UNC5D: variants seen among roughly 807,000 people sequenced by gnomAD.
UNC5D encodes the protein unc-5 netrin receptor D, also known as netrin receptor UNC5D.
In UNC5D, 39 loss-of-function variants were observed where a neutral mutation model predicts 105.4. The ratio of observed to expected loss-of-function variants is 0.37; its 90% confidence interval spans 0.29 to 0.48. The LOEUF (loss-of-function observed/expected upper bound fraction) is 0.48. UNC5D is among the 20% of genes least tolerant of loss of function. The probability of loss-of-function intolerance (pLI) is 0.98; values close to 1 mark genes in which losing one functional copy is unlikely to be tolerated. For missense variants in UNC5D, 991 were observed against 1,202.4 expected (o/e 0.82, Z 2.60); for synonymous variants, 452 against 450.4 (o/e 1.00, Z -0.04).
At chr8:35,718,255 C>A (rs1274804850) in intron 8 of UNC5D, among the ~76,000 whole-genome samples, 2 of 152,114 alleles carry the variant, frequency 1.3e-5, no homozygotes, top group Non-Finnish European at 2.9e-5. Flanking sequence ...ATATGTAAAG[C>A]TTCGTTTATG....
chr8:35,572,448 T>C (rs1817806718), intron 3 of UNC5D, among the ~76,000 whole-genome samples: 1 of 152,072 alleles, frequency 6.6e-6, no homozygotes, highest in Admixed American at 6.6e-5. Context: ...AGGAAGCTCA[T>C]TGGAATAATA....
chr8:35,250,942 A>G (rs1173333177), intron 1 of UNC5D, among the ~76,000 whole-genome samples: 1 of 152,100 alleles, frequency 6.6e-6, no homozygotes, highest in Non-Finnish European at 1.5e-5. Flanking sequence ...TTTCTGAATT[A>G]ATTTCCTTAG....
intron 1 of UNC5D, among the ~76,000 whole-genome samples, chr8:35,414,000 TGACTG>T (rs1308420557): frequency 6.6e-6 from 1 of 152,170 alleles, no homozygotes; most frequent in Non-Finnish European, 1.5e-5. Flanking sequence ...CTCAGATTCT[TGACTG>T]GAATGGGACC....
intron 7 of UNC5D, among the ~76,000 whole-genome samples, chr8:35,687,207 G>T (rs1219949714): frequency 6.6e-6 from 1 of 152,156 alleles, no homozygotes; most frequent in Non-Finnish European, 1.5e-5. Flanking sequence ...ACTTTGGGAG[G>T]CCAAGGCAGG....
chr8:35,235,944 C>T (rs968568821), intron 1 of UNC5D, 57 bp downstream of exon 1: 1 of 1,210,410 alleles, frequency 8.3e-7, no homozygotes, highest in Non-Finnish European at 1.0e-6. Flanking sequence ...GCCAGCCTGA[C>T]GGAGCGGGAC....
intron 1 of UNC5D, among the ~76,000 whole-genome samples, chr8:35,343,748 C>G (rs750146028): frequency 6.6e-6 from 1 of 152,136 alleles, no homozygotes; most frequent in Non-Finnish European, 1.5e-5. Context: ...TTGTGGTATC[C>G]TCTCTTCTAT....
chr8:35,783,534 G>A (rs1030230265), intron 16 of UNC5D, among the ~76,000 whole-genome samples: 5 of 152,118 alleles, frequency 3.3e-5, no homozygotes, highest in South Asian at 4.1e-4. Flanking sequence ...TGAGCTGGGC[G>A]GACTCCAGCT....
intron 1 of UNC5D, among the ~76,000 whole-genome samples, chr8:35,517,861 C>T (rs566724394): frequency 6.6e-6 from 1 of 152,186 alleles, no homozygotes; most frequent in Non-Finnish European, 1.5e-5. Flanking sequence ...TGGTGCAGGA[C>T]CACTTCCTCA....
chr8:35,540,183 G>A (rs965462738), intron 1 of UNC5D, among the ~76,000 whole-genome samples: 4 of 152,132 alleles, frequency 2.6e-5, no homozygotes, highest in Non-Finnish European at 5.9e-5. Context: ...ATACACAAAT[G>A]TATCCATTGT....
At chr8:35,603,931 G>A (rs1586228426) in intron 4 of UNC5D, among the ~76,000 whole-genome samples, 3 of 152,186 alleles carry the variant, frequency 2.0e-5, no homozygotes, top group Admixed American at 6.5e-5. Context: ...TTGAGCCTAT[G>A]TGTGTCTCTG....
intron 6 of UNC5D, among the ~76,000 whole-genome samples, chr8:35,685,400 T>G (rs1040701049): frequency 6.6e-6 from 1 of 152,190 alleles, no homozygotes; most frequent in African/African-American, 2.4e-5. Context: ...GGAAGATGAC[T>G]TTCTTCATGA....
At chr8:35,656,978 A>G (rs1020717227) in intron 4 of UNC5D, among the ~76,000 whole-genome samples, 1 of 150,176 alleles carries the variant, frequency 6.7e-6, no homozygotes, top group Admixed American at 6.7e-5. Context: ...GCACTTTACC[A>G]TAATAAATTG....
chr8:35,691,949 G>T (rs1826428997), intron 7 of UNC5D, among the ~76,000 whole-genome samples: 1 of 152,168 alleles, frequency 6.6e-6, no homozygotes. Flanking sequence ...TGCTTCAGAA[G>T]GGATTAGCAC....
intron 1 of UNC5D, among the ~76,000 whole-genome samples, chr8:35,431,805 T>G (rs553424337): frequency 6.6e-6 from 1 of 152,248 alleles, no homozygotes; most frequent in East Asian, 1.9e-4. Context: ...TGTGTTTGCT[T>G]TCCAAACCTA....
At chr8:35,344,147 G>A (rs1811643579) in intron 1 of UNC5D, among the ~76,000 whole-genome samples, 1 of 152,064 alleles carries the variant, frequency 6.6e-6, no homozygotes, top group Non-Finnish European at 1.5e-5. Flanking sequence ...AGCAAGAGAG[G>A]CCTCTTGTAA....
intron 4 of UNC5D, among the ~76,000 whole-genome samples, chr8:35,677,132 A>AT (rs1179194470): frequency 9.9e-5 from 15 of 152,116 alleles, no homozygotes; most frequent in African/African-American, 3.6e-4. Context: ...CATTCCTATA[A>AT]TTTCTGATGC....
intron 3 of UNC5D, among the ~76,000 whole-genome samples, chr8:35,577,531 T>A (rs1818173814): frequency 6.6e-6 from 1 of 151,606 alleles, no homozygotes; most frequent in African/African-American, 2.4e-5. Flanking sequence ...TTATAGCTCA[T>A]GAAATACGAA....
chr8:35,244,299 TG>T (rs1236553693), intron 1 of UNC5D, among the ~76,000 whole-genome samples: 2 of 152,236 alleles, frequency 1.3e-5, no homozygotes, highest in Non-Finnish European at 2.9e-5. Context: ...GATGTTACCA[TG>T]TAATTCTATT....
At chr8:35,721,092 A>G (rs1259723468) in intron 8 of UNC5D, among the ~76,000 whole-genome samples, 2 of 152,184 alleles carry the variant, frequency 1.3e-5, no homozygotes, top group Non-Finnish European at 2.9e-5. Flanking sequence ...AGGTAAATAT[A>G]TGATGGCTTT....
Sources: gnomAD v4.1 joint callset for allele counts (sites outside exome capture counted in the v4.1 genomes callset) on GRCh38, gnomAD v4.1.1 for gene constraint, MANE v1.5 for transcripts, NCBI Gene and HGNC (gene_info 2026-07-23, HGNC 2026-07-21) for gene names.